Variants in EFCAB13 observed in about 807,000 individuals in gnomAD.
EFCAB13 encodes EF-hand calcium binding domain 13.
In EFCAB13, 91 loss-of-function variants were observed where a neutral mutation model predicts 110.2. The ratio of observed to expected loss-of-function variants is 0.83; its 90% CI spans 0.70 to 0.98. The LOEUF (loss-of-function observed/expected upper bound fraction) is 0.98. Among genes scored for constraint, EFCAB13 ranks in the 50% least tolerant of loss-of-function variants. The probability of loss-of-function intolerance (pLI) is 0.00; values close to 1 mark genes in which losing one functional copy is unlikely to be tolerated. For synonymous variants in EFCAB13, 323 were observed against 369.9 expected, an observed-to-expected ratio of 0.87 and a Z score of 1.45; for missense variants, 968 against 1,119.4, an observed-to-expected ratio of 0.86 and a Z score of 1.93.
chr17:47,350,603 T>G lies in EFCAB13; in HGVS notation c.661+2652T>G, dbSNP rs184242069. Among the ~76,000 whole-genome samples, 1,333 of 151,710 alleles carry G rather than the reference T, an allele frequency of 8.8e-3. 18 individuals carry two copies. Among genetic ancestry groups the G allele is most frequent in the African/African-American group, 0.026 (1,076 of 41,362 alleles). On this transcript the variant is annotated intron_variant, in intron 9 of 24. Coordinates refer to ENST00000331493, the MANE Select transcript of EFCAB13 (RefSeq NM_152347.5). ...CCTTTGTTTGTGTGTGTGTGTGTGT[T>G]TTTTTTTCTGTTGAAATCTCTCATC... is the stretch of plus-strand genomic sequence containing the variant.
intron 11 of EFCAB13, among the ~76,000 whole-genome samples, chr17:47,373,109 A>G (rs544027055): frequency 6.6e-6 from 1 of 151,602 alleles, no homozygotes; most frequent in East Asian, 1.9e-4. Flanking sequence ...ATTATTTTTC[A>G]TTCTTTTTAT....
At chr17:47,415,547 TA>T (rs993270580) in intron 23 of EFCAB13, among the ~76,000 whole-genome samples, 1 of 151,984 alleles carries the variant, frequency 6.6e-6, no homozygotes, top group Non-Finnish European at 1.5e-5. Flanking sequence ...GAAAACAAGG[TA>T]AGGTTAAAAA....
intron 10 of EFCAB13, among the ~76,000 whole-genome samples, chr17:47,364,739 T>C (rs529608928): frequency 3.2e-4 from 49 of 152,358 alleles, no homozygotes; most frequent in Non-Finnish European, 6.8e-4. Flanking sequence ...CAAATACGGG[T>C]CTGATCATGT....
At chr17:47,409,323 A>G in intron 20 of EFCAB13, 2 of 235,202 alleles carry the variant, frequency 8.5e-6, no homozygotes, top group Non-Finnish European at 1.7e-5. Flanking sequence ...AATTTAGACT[A>G]ATAATTAAGG....
intron 4 of EFCAB13, among the ~76,000 whole-genome samples, chr17:47,330,799 T>C (rs1159415074): frequency 1.3e-5 from 2 of 152,072 alleles, no homozygotes; most frequent in Non-Finnish European, 2.9e-5. Context: ...AACTTTTTTT[T>C]CCCTTTGGGT....
intron 9 of EFCAB13, among the ~76,000 whole-genome samples, chr17:47,353,336 G>A (rs2065463637): frequency 6.6e-6 from 1 of 151,246 alleles, no homozygotes; most frequent in Non-Finnish European, 1.5e-5. Flanking sequence ...GCTGTGTCAT[G>A]CAGGCTGGAG....
intron 6 of EFCAB13, 75 bp from the exon 7 acceptor site, chr17:47,344,087 A>T: frequency 6.8e-7 from 1 of 1,469,612 alleles, no homozygotes. Flanking sequence ...ATCTTTTAAG[A>T]GTTGTATCAT....
intron 23 of EFCAB13, among the ~76,000 whole-genome samples, chr17:47,417,997 T>C (rs1308186817): frequency 6.6e-6 from 1 of 152,190 alleles, no homozygotes; most frequent in African/African-American, 2.4e-5. Flanking sequence ...GTTGAATTCA[T>C]AGAGTTTGGG....
rs1045446153 is a variant in EFCAB13, at chr17:47,370,362, T to C, written c.806-75T>C. 31 of 1,028,314 alleles carry C rather than the reference T, an allele frequency of 3.0e-5. No individual in the cohort carries two copies. In the Admixed American group the frequency reaches 5.1e-4, roughly 17 times the overall value. 63.7% of individuals were successfully genotyped at this position (1,028,314 alleles called of 1,614,324 possible). On this transcript the variant is annotated intron_variant, in intron 10 of 24. Coordinates refer to ENST00000331493, the MANE Select transcript of EFCAB13 (RefSeq NM_152347.5). Reference sequence around the variant, plus strand: ...CTACTTGCCACACATTCTGTGTTGTTTTCATATTAGAATAGGATGGCAGAT... The same window carrying C: ...CTACTTGCCACACATTCTGTGTTGTCTTCATATTAGAATAGGATGGCAGAT...
intron 6 of EFCAB13, among the ~76,000 whole-genome samples, chr17:47,342,712 T>C (rs2065392748): frequency 6.6e-6 from 1 of 152,194 alleles, no homozygotes; most frequent in Non-Finnish European, 1.5e-5. Flanking sequence ...ATTTCCCCTC[T>C]TTCAATCTCT....
intron 9 of EFCAB13, among the ~76,000 whole-genome samples, chr17:47,350,143 T>C (rs980541098): frequency 1.3e-5 from 2 of 152,180 alleles, no homozygotes; most frequent in African/African-American, 4.8e-5. Context: ...AAGATAATAC[T>C]TTTGTAACTG....
chr17:47,346,433 A>AC (rs60932759), intron 8 of EFCAB13, among the ~76,000 whole-genome samples: 34,725 of 93,872 alleles, frequency 0.37, 7,534 homozygotes, highest in East Asian at 0.44. Flanking sequence ...AACGTACTTT[A>AC]CCCCCCCCCC....
intron 9 of EFCAB13, among the ~76,000 whole-genome samples, chr17:47,350,293 T>C (rs752915436): frequency 5.3e-5 from 8 of 152,300 alleles, no homozygotes; most frequent in Middle Eastern, 6.8e-3. Flanking sequence ...ACTGCCCCAA[T>C]ATTCAAACAT....
intron 23 of EFCAB13, among the ~76,000 whole-genome samples, chr17:47,424,896 T>TTTTTTTTTTTTTTTTTTTTTTTTTG (rs1567807243): frequency 1.2e-5 from 1 of 84,482 alleles, no homozygotes; most frequent in African/African-American, 6.0e-5. Context: ...TTTTTTTTTT[T>TTTTTTTTTTTTTTTTTTTTTTTTTG]TTTTGAGACG....
intron 23 of EFCAB13, among the ~76,000 whole-genome samples, chr17:47,421,644 A>AAG: frequency 6.6e-6 from 1 of 150,772 alleles, no homozygotes. Flanking sequence ...AAAGAAAGAA[A>AAG]AAAAAAAAAG....
chr17:47,429,238 T>G (rs77507678), intron 23 of EFCAB13, among the ~76,000 whole-genome samples: 3,446 of 152,322 alleles, frequency 0.023, 111 homozygotes, highest in East Asian at 0.18. Flanking sequence ...ATTATGCTTA[T>G]AGGTTATTCA....
At chr17:47,359,932 A>G (rs2065503409) in intron 9 of EFCAB13, among the ~76,000 whole-genome samples, 1 of 151,330 alleles carries the variant, frequency 6.6e-6, no homozygotes, top group South Asian at 2.1e-4. Flanking sequence ...AATTTCATCC[A>G]TGTCCCTACA....
At chr17:47,403,765 G>C (rs944106639) in intron 18 of EFCAB13, 113 bp from the exon 19 acceptor site, 40 of 903,276 alleles carry the variant, frequency 4.4e-5, no homozygotes, top group Non-Finnish European at 5.9e-5. Flanking sequence ...ATTTCTCTCT[G>C]AGATTTCTTA....
At chr17:47,430,541 T>G (rs1905094991) in intron 24 of EFCAB13, 2 of 152,126 alleles carry the variant, frequency 1.3e-5, no homozygotes, top group Admixed American at 6.5e-5. Flanking sequence ...GGCCAAGAGT[T>G]TTTTTGTGAA....
Sources: allele counts gnomAD v4.1 joint callset (sites outside exome capture counted in the v4.1 genomes callset), GRCh38; gene constraint gnomAD v4.1.1; transcripts MANE v1.5; gene names NCBI Gene and HGNC (gene_info 2026-07-23, HGNC 2026-07-21).